RAB3GAP1: variants seen among roughly 807,000 people sequenced by gnomAD.
The protein encoded by RAB3GAP1 is rab3 GTPase-activating protein catalytic subunit.
In RAB3GAP1, 86 loss-of-function variants were observed where a neutral mutation model predicts 130.7. The observed-to-expected ratio is 0.66, with a 90% CI of 0.55 to 0.79. The LOEUF is 0.79. RAB3GAP1 is among the 30% of genes least tolerant of loss of function. The pLI, the probability that RAB3GAP1 is intolerant of heterozygous loss-of-function variation, is 0.00. For synonymous variants in RAB3GAP1, 367 were observed against 401.7 expected, an observed-to-expected ratio of 0.91 and a Z score of 1.03; for missense variants, 1,029 against 1,169.4, an observed-to-expected ratio of 0.88 and a Z score of 1.75.
chr2:135,116,288 C>T (rs922298325), intron 7 of RAB3GAP1, among the ~76,000 whole-genome samples: 1 of 151,612 alleles, frequency 6.6e-6, no homozygotes, highest in South Asian at 2.1e-4. Context: ...TGAAGTATAT[C>T]GATTATAAAT....
chr2:135,165,374 C>T (rs148420460), intron 23 of RAB3GAP1, among the ~76,000 whole-genome samples: 2,056 of 152,236 alleles, frequency 0.014, 24 homozygotes, highest in Non-Finnish European at 0.018. Flanking sequence ...CTGATAAAGG[C>T]GTTATGTGCA....
In RAB3GAP1 at chr2:135,055,400, G is replaced by A. The variant is rs563694336; in HGVS notation, c.75-2611G>A. On this transcript the variant is annotated intron_variant, in intron 2 of 23. Coordinates refer to ENST00000264158, the MANE Select transcript of RAB3GAP1 (RefSeq NM_012233.3). Reference sequence around the variant, plus strand: ...TAAGTATTTTAAGACATTCCTGGCCGGGCATGGTGGCTCATGCCTGTAATC... The same window carrying A: ...TAAGTATTTTAAGACATTCCTGGCCAGGCATGGTGGCTCATGCCTGTAATC... Among the ~76,000 whole-genome samples, 5 of 152,230 alleles carry A rather than the reference G, an allele frequency of 3.3e-5. No individual in the cohort carries two copies. The South Asian group carries it at 6.2e-4, about 19-fold the overall frequency.
chr2:135,071,739 G>A (rs6736412), intron 3 of RAB3GAP1, among the ~76,000 whole-genome samples: 22,784 of 151,930 alleles, frequency 0.15, 3,202 homozygotes, highest in African/African-American at 0.37. Context: ...TCCCCCCACA[G>A]CAGAACAATG....
At position 135,130,641 on chromosome 2, in the gene RAB3GAP1, A is replaced by G. The variant is rs1191766359; in HGVS notation, c.1156A>G (p.Thr386Ala). Residue 386 changes from threonine (T) to alanine (A), a missense_variant, in exon 13 of 24, where the codon ACT (threonine) becomes GCT (alanine). Transcript: ENST00000264158. ...HKLSVSNMVH[T>A]AKKKIRKHRG... ...ATTATCAGTTTCAAATATGGTACACACTGCAAAGAAGAAAATCCGAAAACA... is the reference window on the plus strand; with the variant it reads ...ATTATCAGTTTCAAATATGGTACACGCTGCAAAGAAGAAAATCCGAAAACA... The G allele has an allele frequency of 6.2e-7, 1 of 1,613,648 alleles. No homozygotes were observed. Among genetic ancestry groups the G allele is most frequent in the Non-Finnish European group, 8.5e-7 (1 of 1,179,720 alleles).
Position 135,169,975 on chromosome 2 carries a change from A to T in RAB3GAP1, c.*1194A>T, listed in dbSNP as rs199592452. On this transcript the variant is annotated 3_prime_UTR_variant, in exon 24 of 24. Transcript: ENST00000264158. ...GCTGTGCAAACCCTGTTATTTTTGT[A>T]AAAAAAAAAAAAAATACATATCTAT... 3.6e-5 allele frequency: 3 copies of T among 83,098 alleles called. No individual in the cohort carries two copies. Among genetic ancestry groups the T allele is most frequent in the Admixed American group, 3.0e-4 (2 of 6,714 alleles). The allele number at this position is 83,098 out of a possible 1,614,324, so 5.1% of individuals were successfully genotyped here.
intron 19 of RAB3GAP1, among the ~76,000 whole-genome samples, chr2:135,161,170 A>C (rs1447587139): frequency 6.6e-6 from 1 of 152,218 alleles, no homozygotes; most frequent in African/African-American, 2.4e-5. Context: ...TATGTTGTAC[A>C]TTTCCTAGTT....
chr2:135,163,993 G>C (rs1377206021), intron 22 of RAB3GAP1, among the ~76,000 whole-genome samples: 1 of 152,194 alleles, frequency 6.6e-6, no homozygotes, highest in African/African-American at 2.4e-5. Flanking sequence ...TTCTAAAATA[G>C]TAGAGTATGA....
Position 135,150,436 on chromosome 2 carries a change from C to T in RAB3GAP1, c.1991C>T (p.Ser664Leu). Residue 664 changes from serine to leucine, a missense_variant, in exon 18 of 24, where the codon TCG becomes TTG. Physicochemically the swap from Ser to Leu is moderately radical, Grantham distance 145. Coordinates refer to ENST00000264158, the MANE Select transcript of RAB3GAP1 (RefSeq NM_012233.3). ...GAAGTTTTAGCTAAATTAGGTACAT[C>T]GGCAGAGGGGGCTCACCTTCGAGCA... Reference protein sequence around the residue: ...QSEVLAKLGTSAEGAHLRARM... With the variant: ...QSEVLAKLGTLAEGAHLRARM... 1.9e-6 allele frequency: 3 copies of T among 1,614,146 alleles called. No homozygotes were observed. Among genetic ancestry groups the T allele is most frequent in the Non-Finnish European group, 1.7e-6 (2 of 1,180,014 alleles).
In RAB3GAP1 at chr2:135,113,129, TGC is replaced by T. The variant is rs1558782032; in HGVS notation, c.363-21_363-20del. On this transcript the variant is annotated intron_variant, in intron 5 of 23. Coordinates refer to ENST00000264158, the MANE Select transcript of RAB3GAP1 (RefSeq NM_012233.3). ...GTGTTCTGAGGTTTCCCCTGTTTAA[TGC>T]AGTTAATTCTTTTTTTAAGGTATGG... is the stretch of plus-strand genomic sequence containing the variant. The T allele has an allele frequency of 1.2e-6, 2 of 1,614,100 alleles. No individual in the cohort carries two copies.
intron 5 of RAB3GAP1, among the ~76,000 whole-genome samples, chr2:135,103,366 C>T (rs1452147088): frequency 3.3e-5 from 5 of 151,954 alleles, no homozygotes; most frequent in Non-Finnish European, 7.4e-5. Flanking sequence ...GTATTTTTTT[C>T]CTGGTAATAG....
intron 19 of RAB3GAP1, among the ~76,000 whole-genome samples, chr2:135,158,503 A>G (rs1246600682): frequency 6.6e-6 from 1 of 152,226 alleles, no homozygotes; most frequent in South Asian, 2.1e-4. Context: ...AAAAATAGGA[A>G]TTCTTGGAAC....
At chr2:135,165,807 C>A (rs1039957034) in intron 23 of RAB3GAP1, among the ~76,000 whole-genome samples, 2 of 152,210 alleles carry the variant, frequency 1.3e-5, no homozygotes, top group South Asian at 2.1e-4. Context: ...CAGAAGCTTA[C>A]AAGCGCATTT....
At chr2:135,072,359 T>C (rs1410118043) in intron 3 of RAB3GAP1, among the ~76,000 whole-genome samples, 1 of 152,236 alleles carries the variant, frequency 6.6e-6, no homozygotes, top group African/African-American at 2.4e-5. Context: ...GTATCATTTG[T>C]AGGTGAAACT....
In RAB3GAP1 at chr2:135,162,870, C is replaced by T. The variant is rs370595325; in HGVS notation, c.2490+19C>T. 2.0e-4 allele frequency: 324 copies of T among 1,594,676 alleles called. 2 individuals carry two copies. The African/African-American group carries it at 3.9e-3, about 19-fold the overall frequency. On this transcript the variant is annotated intron_variant, in intron 21 of 23. Coordinates refer to ENST00000264158, the MANE Select transcript of RAB3GAP1 (RefSeq NM_012233.3). Reference sequence around the variant, plus strand: ...ATTGGAAGTAAGTTTGATGTAGTGTCAGAATCTTGCCAAGTGTTCTCCTCA... The same window carrying T: ...ATTGGAAGTAAGTTTGATGTAGTGTTAGAATCTTGCCAAGTGTTCTCCTCA...
intron 17 of RAB3GAP1, among the ~76,000 whole-genome samples, chr2:135,143,285 T>C (rs1369132930): frequency 1.3e-5 from 2 of 152,054 alleles, no homozygotes; most frequent in African/African-American, 4.8e-5. Context: ...TATAATGATA[T>C]TGCAGTTTTA....
intron 3 of RAB3GAP1, among the ~76,000 whole-genome samples, chr2:135,075,828 T>A (rs1400674504): frequency 6.6e-6 from 1 of 152,088 alleles, no homozygotes; most frequent in African/African-American, 2.4e-5. Context: ...AGTGTCAGTC[T>A]CTGTAGGCAT....
chr2:135,167,566 A>T, intron 23 of RAB3GAP1: 1 of 740,014 alleles, frequency 1.4e-6, no homozygotes, highest in Non-Finnish European at 2.2e-6. Flanking sequence ...TTCTTTTGAT[A>T]GGATCATGTT....
chr2:135,066,400 G>A (rs1689324196), intron 3 of RAB3GAP1, among the ~76,000 whole-genome samples: 1 of 152,206 alleles, frequency 6.6e-6, no homozygotes, highest in African/African-American at 2.4e-5. Context: ...TTGGGACTGT[G>A]TCTGTTAACT....
intron 7 of RAB3GAP1, among the ~76,000 whole-genome samples, chr2:135,115,763 C>T (rs1012941843): frequency 6.6e-6 from 1 of 152,186 alleles, no homozygotes; most frequent in Non-Finnish European, 1.5e-5. Context: ...AAGGTCTAAA[C>T]ACTTTGGGTT....
Sources: allele counts gnomAD v4.1 joint callset (sites outside exome capture counted in the v4.1 genomes callset), GRCh38; gene constraint gnomAD v4.1.1; transcripts MANE v1.5; gene names NCBI Gene and HGNC (gene_info 2026-07-23, HGNC 2026-07-21).